The following PLPP4 variants were observed in gnomAD, a reference collection of about 807,000 sequenced individuals.
PLPP4 encodes phospholipid phosphatase 4.
PLPP4 carries 20 observed loss-of-function variants against 32.2 expected under a neutral mutation model. The observed-to-expected ratio is 0.62, with a 90% CI of 0.44 to 0.90. The LOEUF is 0.90. Ranked by LOEUF, PLPP4 falls within the 40% of genes least tolerant of loss-of-function variation. The pLI is 0.00. For synonymous variants in PLPP4, 127 were observed against 133.0 expected (o/e 0.95, Z 0.31); for missense variants, 257 against 353.1 (o/e 0.73, Z 2.18).
Position 120,557,046 on chromosome 10 carries a change from T to C in PLPP4, c.446-18085T>C, listed in dbSNP as rs76739504. Among the ~76,000 whole-genome samples, 1,311 of 152,286 alleles carry C rather than the reference T, an allele frequency of 8.6e-3. 23 individuals are homozygous for C. Among genetic ancestry groups the C allele is most frequent in the African/African-American group, 0.03 (1,260 of 41,564 alleles). ...TCATTCTAATGTTTGTGGGGCATGT[T>C]TCATTGCTAATAATTCTCAAGGAAA... On this transcript the variant is annotated intron_variant, in intron 5 of 6. Transcript: ENST00000398250.
At chr10:120,579,434 G>T (rs140970653) in intron 6 of PLPP4, among the ~76,000 whole-genome samples, 3 of 152,216 alleles carry the variant, frequency 2.0e-5, no homozygotes, top group Admixed American at 6.5e-5. Flanking sequence ...TATTGCGTTC[G>T]CCTGCTTTCC....
intron 1 of PLPP4, among the ~76,000 whole-genome samples, chr10:120,466,814 A>G (rs1174715347): frequency 6.6e-6 from 1 of 152,150 alleles, no homozygotes; most frequent in Non-Finnish European, 1.5e-5. Flanking sequence ...AAGCTGTGCC[A>G]GGTACCTTGC....
intron 5 of PLPP4, among the ~76,000 whole-genome samples, chr10:120,540,019 C>T (rs549204864): frequency 2.0e-5 from 3 of 147,486 alleles, no homozygotes; most frequent in South Asian, 2.1e-4. Flanking sequence ...AAAAAAGGCT[C>T]AATTTTTGCC....
intron 1 of PLPP4, among the ~76,000 whole-genome samples, chr10:120,458,733 C>T (rs1847903537): frequency 6.6e-6 from 1 of 152,206 alleles, no homozygotes; most frequent in Admixed American, 6.5e-5. Flanking sequence ...AAACAAAACA[C>T]TCTTCCCTTC....
intron 1 of PLPP4, among the ~76,000 whole-genome samples, chr10:120,481,296 A>G (rs1333505075): frequency 6.6e-6 from 1 of 152,146 alleles, no homozygotes; most frequent in African/African-American, 2.4e-5. Flanking sequence ...GGACTGTACC[A>G]TGTGCAGGCT....
intron 4 of PLPP4, among the ~76,000 whole-genome samples, chr10:120,519,890 G>A (rs1190664354): frequency 6.6e-6 from 1 of 152,212 alleles, no homozygotes; most frequent in Non-Finnish European, 1.5e-5. Context: ...CCTGTGTGAG[G>A]ACCCTCATTC....
At chr10:120,504,216 A>G (rs924522316) in intron 2 of PLPP4, among the ~76,000 whole-genome samples, 2 of 152,234 alleles carry the variant, frequency 1.3e-5, no homozygotes, top group African/African-American at 4.8e-5. Context: ...AAGGGTGCTC[A>G]TCGCAGATGG....
In PLPP4 at chr10:120,560,568, A is replaced by G. The variant is rs145918716; in HGVS notation, c.446-14563A>G. Among the ~76,000 whole-genome samples the G allele has an allele frequency of 2.4e-3, 367 of 152,250 alleles. 2 individuals carry two copies. Among genetic ancestry groups the G allele is most frequent in the African/African-American group, 8.5e-3 (354 of 41,542 alleles). On this transcript the variant is annotated intron_variant, in intron 5 of 6. Transcript: ENST00000398250. ...TCAGGAGTTTGAGACCAGACTGGCC[A>G]ACATAGTGAAACCCCATCTCTCCTA... is the stretch of plus-strand genomic sequence containing the variant.
intron 1 of PLPP4, among the ~76,000 whole-genome samples, chr10:120,498,088 A>G (rs1431837060): frequency 6.6e-6 from 1 of 152,228 alleles, no homozygotes; most frequent in African/African-American, 2.4e-5. Context: ...GGAAAGAAAT[A>G]GTAGTATGTC....
intron 5 of PLPP4, among the ~76,000 whole-genome samples, chr10:120,562,911 AC>A (rs1848500815): frequency 6.6e-6 from 1 of 152,192 alleles, no homozygotes; most frequent in South Asian, 2.1e-4. Flanking sequence ...GAAATATGAG[AC>A]CTACAAAATC....
chr10:120,480,946 C>T (rs1225637858), intron 1 of PLPP4, among the ~76,000 whole-genome samples: 1 of 152,198 alleles, frequency 6.6e-6, no homozygotes, highest in Non-Finnish European at 1.5e-5. Flanking sequence ...CTAACAGTAC[C>T]CCTTCTTCCC....
At chr10:120,513,572 A>G (rs1448813803) in intron 2 of PLPP4, among the ~76,000 whole-genome samples, 3 of 152,158 alleles carry the variant, frequency 2.0e-5, no homozygotes, top group South Asian at 2.1e-4. Flanking sequence ...AGGGTTCTTC[A>G]CCCTTCCACA....
chr10:120,524,686 T>A (rs946803927), intron 5 of PLPP4, among the ~76,000 whole-genome samples: 1 of 152,148 alleles, frequency 6.6e-6, no homozygotes, highest in Non-Finnish European at 1.5e-5. Flanking sequence ...CATGGCAGCG[T>A]TTTTATGGGG....
intron 5 of PLPP4, among the ~76,000 whole-genome samples, chr10:120,544,428 C>T (rs1847514394): frequency 6.6e-6 from 1 of 152,174 alleles, no homozygotes; most frequent in African/African-American, 2.4e-5. Context: ...AAGCAAGTTG[C>T]CCATTCCTGC....
chr10:120,537,284 C>A (rs1182967312), intron 5 of PLPP4, among the ~76,000 whole-genome samples: 1 of 152,118 alleles, frequency 6.6e-6, no homozygotes, highest in Non-Finnish European at 1.5e-5. Flanking sequence ...GATATGGAAA[C>A]ACCCTGTCAA....
intron 1 of PLPP4, among the ~76,000 whole-genome samples, chr10:120,477,496 G>T (rs1007764063): frequency 4.0e-5 from 6 of 151,898 alleles, no homozygotes; most frequent in Non-Finnish European, 7.4e-5. Flanking sequence ...CCATTTTTCT[G>T]CTCGCTGAGC....
intron 5 of PLPP4, among the ~76,000 whole-genome samples, chr10:120,538,687 A>G (rs925796494): frequency 1.3e-5 from 2 of 152,020 alleles, no homozygotes; most frequent in Non-Finnish European, 2.9e-5. Context: ...TCCTCCTTAT[A>G]CATTACATTC....
chr10:120,574,195 C>CAA (rs1849101236), intron 5 of PLPP4, among the ~76,000 whole-genome samples: 5 of 146,572 alleles, frequency 3.4e-5, no homozygotes, highest in Non-Finnish European at 7.5e-5. Context: ...CTCTCTCTCT[C>CAA]TCTCTCTCTC....
intron 5 of PLPP4, among the ~76,000 whole-genome samples, chr10:120,546,880 A>G (rs1847651391): frequency 6.6e-6 from 1 of 152,188 alleles, no homozygotes; most frequent in Non-Finnish European, 1.5e-5. Context: ...AGTGTTTCCC[A>G]CTGTAAACCT....
Sources: allele counts gnomAD v4.1 joint callset (sites outside exome capture counted in the v4.1 genomes callset), GRCh38; gene constraint gnomAD v4.1.1; transcripts MANE v1.5; gene names NCBI Gene and HGNC (gene_info 2026-07-23, HGNC 2026-07-21).